Variants in SCGB2B2 observed in about 807,000 individuals in gnomAD.
The protein encoded by SCGB2B2 is secretoglobin-like protein.
A neutral mutation model predicts 7.6 loss-of-function variants in SCGB2B2; 11 were observed. That is an observed-to-expected ratio of 1.45 (90% CI 0.91 to 2.40). The LOEUF (loss-of-function observed/expected upper bound fraction) is 2.40, where lower values mean the gene tolerates loss of function less well. Ranked by LOEUF, SCGB2B2 falls within the 30% of genes most tolerant of loss-of-function variation. The pLI is 0.00. For missense variants in SCGB2B2, 104 were observed against 115.4 expected, an observed-to-expected ratio of 0.90 and a Z score of 0.45; for synonymous variants, 50 against 48.6, an observed-to-expected ratio of 1.03 and a Z score of -0.12.
chr19:34,608,684 T>TATATATATATATATATATATATATACAC (rs879668084), intron 1 of SCGB2B2: 1 of 126,622 alleles, frequency 7.9e-6, no homozygotes. Flanking sequence ...TATATATATA[T>TATATATATATATATATATATATATACAC]ACCGTATTTT....
At chr19:34,658,149 G>T (rs548175970) in intron 1 of SCGB2B2, among the ~76,000 whole-genome samples, 3 of 152,280 alleles carry the variant, frequency 2.0e-5, no homozygotes, top group East Asian at 3.9e-4. Context: ...AAGGAGGAGA[G>T]ATCTAAAATC....
At chr19:34,666,361 G>T (rs563825317) in intron 1 of SCGB2B2, among the ~76,000 whole-genome samples, 10 of 152,028 alleles carry the variant, frequency 6.6e-5, no homozygotes, top group African/African-American at 2.4e-4. Flanking sequence ...TCCCGACAGC[G>T]CATTCTACTC....
intron 1 of SCGB2B2, among the ~76,000 whole-genome samples, chr19:34,660,839 G>A (rs969678829): frequency 2.0e-5 from 3 of 152,114 alleles, no homozygotes; most frequent in Admixed American, 2.0e-4. Context: ...GTTTATTGCA[G>A]CACTATTCAC....
chr19:34,664,009 G>A (rs2067541182), intron 1 of SCGB2B2, among the ~76,000 whole-genome samples: 1 of 87,140 alleles, frequency 1.1e-5, no homozygotes, highest in Non-Finnish European at 2.1e-5. Context: ...CCTCTGCTAA[G>A]GGACTACTCC....
At chr19:34,641,408 TGACA>T (rs2066836949) in intron 1 of SCGB2B2, among the ~76,000 whole-genome samples, 1 of 152,188 alleles carries the variant, frequency 6.6e-6, no homozygotes, top group Non-Finnish European at 1.5e-5. Context: ...AATACAATGG[TGACA>T]GACAGTGTCA....
At chr19:34,668,068 C>T (rs1430891925) in intron 1 of SCGB2B2, among the ~76,000 whole-genome samples, 1 of 152,266 alleles carries the variant, frequency 6.6e-6, no homozygotes, top group Non-Finnish European at 1.5e-5. Flanking sequence ...TCGGCGCCTC[C>T]TCTGCCTGGG....
chr19:34,664,275 C>G (rs2067548639), intron 1 of SCGB2B2, among the ~76,000 whole-genome samples: 1 of 152,218 alleles, frequency 6.6e-6, no homozygotes, highest in Non-Finnish European at 1.5e-5. Flanking sequence ...TAAGCAGAGG[C>G]CATGCAGGCC....
intron 1 of SCGB2B2, among the ~76,000 whole-genome samples, chr19:34,631,786 G>A (rs1404260101): frequency 2.0e-5 from 3 of 151,788 alleles, no homozygotes; most frequent in African/African-American, 7.3e-5. Context: ...ATGGAAATGC[G>A]AAGAACTTAG....
chr19:34,588,603 G>A (rs1276583694), downstream of SCGB2B2, among the ~76,000 whole-genome samples: 2 of 152,216 alleles, frequency 1.3e-5, no homozygotes, highest in African/African-American at 4.8e-5. Flanking sequence ...GGCATGCTCA[G>A]CCCCAGGGCT....
intron 1 of SCGB2B2, among the ~76,000 whole-genome samples, chr19:34,602,695 G>A (rs1192004264): frequency 1.3e-5 from 2 of 152,182 alleles, no homozygotes; most frequent in Non-Finnish European, 2.9e-5. Context: ...CAAAGGTCCC[G>A]TGTGCTTGAC....
At chr19:34,669,372 C>T (rs2067735846) in intron 1 of SCGB2B2, among the ~76,000 whole-genome samples, 1 of 152,254 alleles carries the variant, frequency 6.6e-6, no homozygotes, top group Admixed American at 6.5e-5. Context: ...TGCACCTAAT[C>T]TGCTACCCAT....
At chr19:34,669,771 A>C (rs1362700984) in intron 1 of SCGB2B2, among the ~76,000 whole-genome samples, 4 of 111,962 alleles carry the variant, frequency 3.6e-5, no homozygotes, top group Non-Finnish European at 5.7e-5. Context: ...ATTCTAATTT[A>C]TGGCAGTGAC....
chr19:34,668,060 G>A lies in SCGB2B2; in HGVS notation c.-2032+7570C>T, dbSNP rs182725035. Among the ~76,000 whole-genome samples the A allele has an allele frequency of 2.7e-4, 41 of 152,358 alleles. No homozygotes were observed. In the East Asian group the frequency reaches 7.7e-3, roughly 29 times the overall value. On this transcript the variant is annotated intron_variant, in intron 1 of 3. Coordinates refer to ENST00000601241, the MANE Select transcript of SCGB2B2 (RefSeq NM_001025591.4). ...GCCCTCGCAGCCCTCGCTCTCTCTC[G>A]GCGCCTCCTCTGCCTGGGCTCCCAC...
chr19:34,612,981 CTTCT>C (rs921613150), intron 1 of SCGB2B2, among the ~76,000 whole-genome samples: 4 of 152,052 alleles, frequency 2.6e-5, no homozygotes, highest in Admixed American at 6.6e-5. Flanking sequence ...TATGAATGAC[CTTCT>C]TTGTCTCTTA....
Position 34,594,580 on chromosome 19 carries a change from C to T in SCGB2B2, c.-17G>A, listed in dbSNP as rs1219461065. 6.2e-7 allele frequency: 1 copy of T among 1,611,560 alleles called. No homozygotes were observed. Among genetic ancestry groups the T allele is most frequent in the African/African-American group, 1.3e-5 (1 of 74,932 alleles). ...CACCCTCATGACAGCGGAGTCTGGT[C>T]CCAGCAGGCACAGGCAGGGAATTTG... On this transcript the variant is annotated 5_prime_UTR_variant, in exon 2 of 4. Coordinates refer to ENST00000601241, the MANE Select transcript of SCGB2B2 (RefSeq NM_001025591.4).
chr19:34,631,724 C>A (rs2066541260), intron 1 of SCGB2B2, among the ~76,000 whole-genome samples: 1 of 152,050 alleles, frequency 6.6e-6, no homozygotes, highest in Admixed American at 6.5e-5. Flanking sequence ...CAATCCCAAT[C>A]AAAATCCACA....
intron 1 of SCGB2B2, among the ~76,000 whole-genome samples, chr19:34,658,814 A>ACC (rs2067362121): frequency 9.8e-6 from 1 of 102,472 alleles, no homozygotes; most frequent in East Asian, 3.5e-4. Context: ...CAACAACAAC[A>ACC]AAAAAAAAAA....
Position 34,594,629 on chromosome 19 carries a change from T to A in SCGB2B2, c.-66A>T, listed in dbSNP as rs2065393416. 1 of 1,269,986 alleles carries A rather than the reference T, an allele frequency of 7.9e-7. No individual in the cohort carries two copies. The highest frequency in any genetic ancestry group is 1.1e-6 in the Non-Finnish European group (1 of 871,426). 78.7% of individuals were successfully genotyped at this position (1,269,986 alleles called of 1,614,324 possible). On this transcript the variant is annotated 5_prime_UTR_variant, in exon 2 of 4. Transcript: ENST00000601241. ...TGGCGATGGGTGAGCTTTATGTATA[T>A]CTGAACAAGGCACATGCCTCTTCGT...
chr19:34,643,907 A>G (rs2066915875), intron 1 of SCGB2B2, among the ~76,000 whole-genome samples: 1 of 149,454 alleles, frequency 6.7e-6, no homozygotes, highest in African/African-American at 2.5e-5. Context: ...AGTTAAGCAG[A>G]AAAAAAAAAG....
Sources: allele counts gnomAD v4.1 joint callset (sites outside exome capture counted in the v4.1 genomes callset), GRCh38; gene constraint gnomAD v4.1.1; transcripts MANE v1.5; gene names NCBI Gene and HGNC (gene_info 2026-07-23, HGNC 2026-07-21).